Variants in CSMD3 observed in about 807,000 individuals in gnomAD.
CSMD3 encodes CUB and sushi domain-containing protein 3.
A neutral mutation model predicts 435.2 loss-of-function variants in CSMD3; 177 were observed. The observed-to-expected ratio is 0.41, with a 90% CI of 0.36 to 0.46. The LOEUF is 0.46. Among genes scored for constraint, CSMD3 ranks in the 20% least tolerant of loss-of-function variants. The probability of loss-of-function intolerance (pLI) is 0.34; values close to 1 mark genes in which losing one functional copy is unlikely to be tolerated. For synonymous variants in CSMD3, 1,656 were observed against 1,520.5 expected (o/e 1.09, Z -2.07); for missense variants, 4,265 against 4,504.6 (o/e 0.95, Z 1.52).
At chr8:112,636,418 A>G (rs1442491392) in intron 22 of CSMD3, among the ~76,000 whole-genome samples, 2 of 152,112 alleles carry the variant, frequency 1.3e-5, no homozygotes, top group Non-Finnish European at 2.9e-5. Context: ...AGAATATACT[A>G]TCAATAGAAT....
At chr8:113,228,431 ACT>A (rs1194242740) in intron 3 of CSMD3, among the ~76,000 whole-genome samples, 1 of 151,574 alleles carries the variant, frequency 6.6e-6, no homozygotes, top group Non-Finnish European at 1.5e-5. Context: ...TAAGGCACCT[ACT>A]CTTAGTCTCA....
At chr8:112,465,203 C>T (rs1027245343) in intron 32 of CSMD3, among the ~76,000 whole-genome samples, 1 of 152,034 alleles carries the variant, frequency 6.6e-6, no homozygotes, top group Non-Finnish European at 1.5e-5. Context: ...AAATTAATGC[C>T]CCCTCGTGGT....
At chr8:112,477,474 C>T (rs1279733073) in intron 31 of CSMD3, among the ~76,000 whole-genome samples, 1 of 151,996 alleles carries the variant, frequency 6.6e-6, no homozygotes, top group East Asian at 1.9e-4. Context: ...ATGTAATCTC[C>T]AGTGTTGGTG....
chr8:112,942,020 A>G (rs2083465802), intron 9 of CSMD3, among the ~76,000 whole-genome samples: 1 of 151,730 alleles, frequency 6.6e-6, no homozygotes, highest in Non-Finnish European at 1.5e-5. Context: ...TGACAAACAC[A>G]TAGTGTCATT....
chr8:113,129,878 G>A (rs1361940482), intron 4 of CSMD3, among the ~76,000 whole-genome samples: 2 of 151,982 alleles, frequency 1.3e-5, no homozygotes, highest in African/African-American at 2.4e-5. Context: ...ACAAAGATAG[G>A]AAGAAGGATA....
At chr8:112,909,618 C>T (rs2082353074) in intron 10 of CSMD3, among the ~76,000 whole-genome samples, 2 of 151,536 alleles carry the variant, frequency 1.3e-5, no homozygotes, top group Admixed American at 6.6e-5. Flanking sequence ...AAAATTATTT[C>T]GATGCTGCAA....
At chr8:112,322,088 A>C (rs1270523947) in intron 45 of CSMD3, among the ~76,000 whole-genome samples, 3 of 152,170 alleles carry the variant, frequency 2.0e-5, no homozygotes, top group Admixed American at 2.0e-4. Context: ...CAGAGAATAG[A>C]GATCAACTCA....
chr8:112,949,571 A>G (rs1587739505), intron 8 of CSMD3, among the ~76,000 whole-genome samples: 1 of 152,038 alleles, frequency 6.6e-6, no homozygotes, highest in East Asian at 1.9e-4. Flanking sequence ...CAATCTTTCA[A>G]TGGCCTATTT....
chr8:112,323,658 G>A (rs1020770632), intron 45 of CSMD3, among the ~76,000 whole-genome samples: 1 of 151,988 alleles, frequency 6.6e-6, no homozygotes, highest in Non-Finnish European at 1.5e-5. Context: ...CCAGTTTGTG[G>A]TACTTTGTTT....
intron 1 of CSMD3, among the ~76,000 whole-genome samples, chr8:113,388,135 G>T (rs892800868): frequency 6.6e-6 from 1 of 151,580 alleles, no homozygotes; most frequent in Admixed American, 6.6e-5. Flanking sequence ...CTATGCTAAG[G>T]TATATAGGTA....
At chr8:112,524,049 T>C (rs1824592525) in intron 27 of CSMD3, among the ~76,000 whole-genome samples, 1 of 152,194 alleles carries the variant, frequency 6.6e-6, no homozygotes, top group East Asian at 1.9e-4. Context: ...CAAATAATTA[T>C]TGAGCCAGGT....
At chr8:112,559,756 C>A (rs1019641488) in intron 24 of CSMD3, among the ~76,000 whole-genome samples, 3 of 151,734 alleles carry the variant, frequency 2.0e-5, no homozygotes, top group Non-Finnish European at 4.4e-5. Context: ...GCTGCCGTAG[C>A]TATATAGTTT....
chr8:113,386,832 A>C (rs2133130341), intron 1 of CSMD3, among the ~76,000 whole-genome samples: 1 of 152,020 alleles, frequency 6.6e-6, no homozygotes, highest in East Asian at 1.9e-4. Context: ...ATTGCAAACT[A>C]TTACTTCAAA....
intron 4 of CSMD3, among the ~76,000 whole-genome samples, chr8:113,163,867 T>C (rs1049400692): frequency 6.6e-5 from 10 of 152,030 alleles, no homozygotes; most frequent in Admixed American, 1.3e-4. Flanking sequence ...ATTGTTTATA[T>C]GTCAGTAAAA....
chr8:112,593,722 C>T (rs1208846699), intron 22 of CSMD3, among the ~76,000 whole-genome samples: 1 of 152,052 alleles, frequency 6.6e-6, no homozygotes, highest in East Asian at 1.9e-4. Context: ...AAGGTAGTAT[C>T]ATGGAATAGT....
At chr8:113,393,900 G>C (rs1387744884) in intron 1 of CSMD3, among the ~76,000 whole-genome samples, 1 of 151,738 alleles carries the variant, frequency 6.6e-6, no homozygotes, top group East Asian at 1.9e-4. Context: ...GAAAAAAAGA[G>C]AAGAATTTAT....
chr8:112,345,946 A>G, intron 41 of CSMD3, 151 bp downstream of exon 41: 2 of 649,958 alleles, frequency 3.1e-6, no homozygotes, highest in Non-Finnish European at 5.5e-6. Context: ...AATTATTTAA[A>G]TTTCACTCTT....
intron 13 of CSMD3, among the ~76,000 whole-genome samples, chr8:112,791,329 A>G (rs1216672382): frequency 1.3e-5 from 2 of 151,546 alleles, no homozygotes; most frequent in African/African-American, 4.8e-5. Flanking sequence ...GAAAAAAAAA[A>G]AAAAAAAAAA....
chr8:112,905,319 T>TACACACAC (rs1554714975), intron 10 of CSMD3, among the ~76,000 whole-genome samples: 1 of 103,480 alleles, frequency 9.7e-6, no homozygotes, highest in African/African-American at 5.1e-5. Flanking sequence ...TATATATATA[T>TACACACAC]ATACACACAC....
Sources: allele counts gnomAD v4.1 joint callset (sites outside exome capture counted in the v4.1 genomes callset), GRCh38; gene constraint gnomAD v4.1.1; transcripts MANE v1.5; gene names NCBI Gene and HGNC (gene_info 2026-07-23, HGNC 2026-07-21).